TAFA1: variants seen among roughly 807,000 people sequenced by gnomAD.
TAFA1 encodes the protein TAFA chemokine like family member 1.
A neutral mutation model predicts 18.5 loss-of-function variants in TAFA1; 4 were observed. That is an observed-to-expected ratio of 0.22 (90% CI 0.11 to 0.49). TAFA1 has a LOEUF of 0.49. Ranked by LOEUF, TAFA1 falls within the 20% of genes least tolerant of loss-of-function variation. The pLI is 0.98. For synonymous variants in TAFA1, 56 were observed against 55.2 expected (o/e 1.01, Z -0.06); for missense variants, 147 against 169.0 (o/e 0.87, Z 0.72).
Position 68,205,313 on chromosome 3 carries a change from A to G in TAFA1, c.118+198569A>G, listed in dbSNP as rs137959525. On this transcript the variant is annotated intron_variant, in intron 2 of 4. Transcript: ENST00000478136. ...TATGTTCATTTCAGAACCCCTCTTA[A>G]CAGTGTCTCTTTTGCAGCCAGTATA... Among the ~76,000 whole-genome samples, 476 of 151,982 alleles carry G rather than the reference A, an allele frequency of 3.1e-3. 4 individuals carry two copies. The highest frequency in any genetic ancestry group is 0.011 in the African/African-American group (450 of 41,496).
chr3:68,185,947 G>T (rs1007270460), intron 2 of TAFA1, among the ~76,000 whole-genome samples: 8 of 151,734 alleles, frequency 5.3e-5, no homozygotes, highest in Admixed American at 5.3e-4. Context: ...GAAACAAAAT[G>T]AATTTGATAA....
At chr3:68,470,923 C>T (rs910473382) in intron 3 of TAFA1, among the ~76,000 whole-genome samples, 1 of 152,112 alleles carries the variant, frequency 6.6e-6, no homozygotes, top group African/African-American at 2.4e-5. Flanking sequence ...CCCTTGGCAG[C>T]CCCTACCACC....
At chr3:68,166,464 T>G (rs746891253) in intron 2 of TAFA1, among the ~76,000 whole-genome samples, 9 of 152,126 alleles carry the variant, frequency 5.9e-5, no homozygotes, top group Non-Finnish European at 1.2e-4. Flanking sequence ...TCCCCCTTAT[T>G]TAGACAGTAA....
chr3:68,179,661 A>G (rs1175666929), intron 2 of TAFA1, among the ~76,000 whole-genome samples: 2 of 152,192 alleles, frequency 1.3e-5, no homozygotes, highest in Admixed American at 6.5e-5. Context: ...TTCTTTGTAA[A>G]GTTTCCAAAG....
At chr3:68,289,963 G>T (rs2068079191) in intron 2 of TAFA1, among the ~76,000 whole-genome samples, 1 of 152,170 alleles carries the variant, frequency 6.6e-6, no homozygotes, top group African/African-American at 2.4e-5. Context: ...GGTAGAACTA[G>T]GCACCCAGGT....
chr3:68,296,715 C>T (rs936217545), intron 2 of TAFA1, among the ~76,000 whole-genome samples: 9 of 152,104 alleles, frequency 5.9e-5, no homozygotes, highest in East Asian at 1.9e-4. Flanking sequence ...TATTAATATA[C>T]GTAATAATTA....
chr3:68,097,574 C>T (rs1392089224), intron 2 of TAFA1, among the ~76,000 whole-genome samples: 1 of 152,092 alleles, frequency 6.6e-6, no homozygotes, highest in Non-Finnish European at 1.5e-5. Flanking sequence ...ATTTAATGAT[C>T]TTATTCATTC....
At chr3:68,249,839 G>T (rs975438626) in intron 2 of TAFA1, among the ~76,000 whole-genome samples, 1 of 152,120 alleles carries the variant, frequency 6.6e-6, no homozygotes, top group Non-Finnish European at 1.5e-5. Context: ...GATTTGTTGG[G>T]TTTTTTTGTG....
chr3:68,426,368 G>A (rs545332887), intron 3 of TAFA1, among the ~76,000 whole-genome samples: 1 of 151,692 alleles, frequency 6.6e-6, no homozygotes, highest in Admixed American at 6.6e-5. Flanking sequence ...TTGGGTACAT[G>A]CAGGCCTACA....
chr3:68,186,157 G>A (rs2106999476), intron 2 of TAFA1, among the ~76,000 whole-genome samples: 1 of 152,130 alleles, frequency 6.6e-6, no homozygotes, highest in South Asian at 2.1e-4. Context: ...TCCCCCTTTG[G>A]TGTGCTAGCG....
At chr3:68,419,470 A>C (rs2070914132) in intron 3 of TAFA1, among the ~76,000 whole-genome samples, 1 of 152,178 alleles carries the variant, frequency 6.6e-6, no homozygotes, top group Non-Finnish European at 1.5e-5. Context: ...CACCACCTTT[A>C]AGACAATTTT....
intron 2 of TAFA1, among the ~76,000 whole-genome samples, chr3:68,137,622 A>G (rs1223025666): frequency 2.6e-5 from 4 of 152,192 alleles, no homozygotes; most frequent in Non-Finnish European, 5.9e-5. Context: ...AGTGAAGTAG[A>G]AACAGATAAA....
chr3:68,020,429 C>T (rs541926843), intron 2 of TAFA1, among the ~76,000 whole-genome samples: 2 of 152,238 alleles, frequency 1.3e-5, no homozygotes, highest in South Asian at 4.1e-4. Flanking sequence ...GTTTGTAAAA[C>T]CCCTACCTTG....
chr3:68,306,014 T>A (rs1170580356), intron 2 of TAFA1, among the ~76,000 whole-genome samples: 2 of 152,160 alleles, frequency 1.3e-5, no homozygotes, highest in African/African-American at 4.8e-5. Context: ...AAGTTACTAA[T>A]GAATACCCTT....
intron 3 of TAFA1, among the ~76,000 whole-genome samples, chr3:68,443,473 C>CAAAAAAAA (rs56944130): frequency 4.2e-5 from 4 of 96,086 alleles, no homozygotes; most frequent in Non-Finnish European, 6.6e-5. Flanking sequence ...GGGCAATTTA[C>CAAAAAAAA]AAAAAAAAAA....
chr3:68,519,138 G>A (rs887857864), intron 3 of TAFA1, among the ~76,000 whole-genome samples: 3 of 152,232 alleles, frequency 2.0e-5, no homozygotes, highest in African/African-American at 7.2e-5. Flanking sequence ...CCCTCAATTC[G>A]TATGTTAAAA....
chr3:68,321,793 A>G (rs2068700599), intron 2 of TAFA1, among the ~76,000 whole-genome samples: 1 of 152,212 alleles, frequency 6.6e-6, no homozygotes, highest in Non-Finnish European at 1.5e-5. Flanking sequence ...CTTTGAAGCA[A>G]TGAAAACCAC....
chr3:68,457,144 G>C (rs2071681072), intron 3 of TAFA1, among the ~76,000 whole-genome samples: 1 of 152,190 alleles, frequency 6.6e-6, no homozygotes, highest in South Asian at 2.1e-4. Context: ...AATAGCAACT[G>C]TAGGGGGCTA....
intron 2 of TAFA1, among the ~76,000 whole-genome samples, chr3:68,271,107 C>T (rs1039056248): frequency 6.6e-6 from 1 of 152,060 alleles, no homozygotes; most frequent in African/African-American, 2.4e-5. Context: ...AGGGGTCAAA[C>T]AGCATCAAAT....
Sources: allele counts gnomAD v4.1 joint callset (sites outside exome capture counted in the v4.1 genomes callset), GRCh38; gene constraint gnomAD v4.1.1; transcripts MANE v1.5; gene names NCBI Gene and HGNC (gene_info 2026-07-23, HGNC 2026-07-21).